APBA2: variants seen among roughly 807,000 people sequenced by gnomAD.
The protein encoded by APBA2 is amyloid-beta A4 precursor protein-binding family A member 2.
APBA2 carries 30 observed loss-of-function variants against 75.0 expected under a neutral mutation model. The ratio of observed to expected loss-of-function variants is 0.40; its 90% CI spans 0.30 to 0.54. The LOEUF is 0.54. APBA2 is among the 20% of genes least tolerant of loss of function. The pLI, the probability that APBA2 is intolerant of heterozygous loss-of-function variation, is 0.49. For synonymous variants in APBA2, 444 were observed against 409.6 expected (o/e 1.08, Z -1.01); for missense variants, 801 against 1,016.1 (o/e 0.79, Z 2.88).
chr15:28,929,487 C>T lies in APBA2; in HGVS notation c.-95+7738C>T, dbSNP rs73366724. ...TCAGATCCAAGGGTGTAGCACTTCC[C>T]GCCTATCACTGGGAGCTGATGGGCT... is the stretch of plus-strand genomic sequence containing the variant. On this transcript the variant is annotated intron_variant, in intron 2 of 14. Coordinates refer to ENST00000683413, the MANE Select transcript of APBA2 (RefSeq NM_001353788.2). Among the ~76,000 whole-genome samples the T allele has an allele frequency of 4.4e-3, 675 of 152,272 alleles. 6 individuals are homozygous for T. Among genetic ancestry groups the T allele is most frequent in the African/African-American group, 0.016 (648 of 41,580 alleles).
chr15:29,040,144 C>T (rs1357692703), intron 3 of APBA2, among the ~76,000 whole-genome samples: 1 of 152,210 alleles, frequency 6.6e-6, no homozygotes, highest in Non-Finnish European at 1.5e-5. Context: ...CTGCCAGACC[C>T]AGAGCAGTAG....
chr15:29,092,409 C>T (rs1232448772), intron 6 of APBA2, among the ~76,000 whole-genome samples: 1 of 152,146 alleles, frequency 6.6e-6, no homozygotes, highest in Middle Eastern at 3.2e-3. Flanking sequence ...TGGGTCCAGT[C>T]CCTCAGCTGC....
rs554177186 is a variant in APBA2, at chr15:29,046,895, C to T, written c.-40-6950C>T. ...AGCCACCTGTGTCAGCAGAGTTCCC[C>T]GTTCCCATCTAAGACATTCACCTCA... On this transcript the variant is annotated intron_variant, in intron 3 of 14. Coordinates refer to ENST00000683413, the MANE Select transcript of APBA2 (RefSeq NM_001353788.2). The surrounding 1 kb of genome is among the most constrained non-coding windows in gnomAD (Gnocchi z 5.0). Among the ~76,000 whole-genome samples, 79 of 152,364 alleles carry T rather than the reference C, an allele frequency of 5.2e-4. No homozygotes were observed. Among genetic ancestry groups the T allele is most frequent in the Middle Eastern group, 3.4e-3 (1 of 294 alleles).
intron 3 of APBA2, among the ~76,000 whole-genome samples, chr15:29,043,237 AATG>A (rs1271362104): frequency 6.6e-6 from 1 of 152,176 alleles, no homozygotes; most frequent in Non-Finnish European, 1.5e-5. Context: ...CAGCAATTTT[AATG>A]ATGTTTAAAG....
At chr15:29,073,710 G>A (rs975831598) in intron 4 of APBA2, among the ~76,000 whole-genome samples, 1 of 152,136 alleles carries the variant, frequency 6.6e-6, no homozygotes, top group African/African-American at 2.4e-5. Context: ...GTTATTTCTC[G>A]ATAATTTATT....
intron 1 of APBA2, among the ~76,000 whole-genome samples, chr15:28,902,440 G>C (rs2032918560): frequency 6.6e-6 from 1 of 152,156 alleles, no homozygotes; most frequent in African/African-American, 2.4e-5. Flanking sequence ...CAGCCAAGAG[G>C]AGGGCCCTCT....
At chr15:28,957,928 C>G (rs1264925772) in intron 2 of APBA2, among the ~76,000 whole-genome samples, 2 of 152,192 alleles carry the variant, frequency 1.3e-5, no homozygotes, top group Non-Finnish European at 2.9e-5. Context: ...CCAAGCCCAC[C>G]ACATTTGGCC....
intron 3 of APBA2, among the ~76,000 whole-genome samples, chr15:29,027,626 G>GAAA (rs2040286383): frequency 1.3e-5 from 2 of 149,628 alleles, no homozygotes; most frequent in South Asian, 4.2e-4. Flanking sequence ...TCTTTTTGAG[G>GAAA]CAGTCTTGCT....
At chr15:28,938,175 C>T (rs1050095166) in intron 2 of APBA2, among the ~76,000 whole-genome samples, 3 of 152,174 alleles carry the variant, frequency 2.0e-5, no homozygotes, top group African/African-American at 7.2e-5. Flanking sequence ...TCTCAGACCA[C>T]GGTGCCCTGG....
intron 2 of APBA2, among the ~76,000 whole-genome samples, chr15:28,956,239 C>G (rs941287172): frequency 6.6e-6 from 1 of 152,110 alleles, no homozygotes; most frequent in Admixed American, 6.5e-5. Context: ...CTAGGGCAGG[C>G]AGGGGCTGGC....
At chr15:29,023,519 G>A (rs1158003663) in intron 3 of APBA2, among the ~76,000 whole-genome samples, 1 of 130,180 alleles carries the variant, frequency 7.7e-6, no homozygotes, top group Non-Finnish European at 1.5e-5. Context: ...GTAGTGGCGC[G>A]ATCTTGGCTC....
intron 3 of APBA2, among the ~76,000 whole-genome samples, chr15:29,042,400 G>A (rs2041092976): frequency 6.6e-6 from 1 of 152,096 alleles, no homozygotes; most frequent in African/African-American, 2.4e-5. Context: ...AGCCTCCTGA[G>A]TAGCTGGGAC....
chr15:28,930,779 TC>T (rs2152687572), intron 2 of APBA2, among the ~76,000 whole-genome samples: 1 of 152,254 alleles, frequency 6.6e-6, no homozygotes, highest in African/African-American at 2.4e-5. Flanking sequence ...TTGCAGCTCT[TC>T]CCTGCGACCT....
intron 2 of APBA2, among the ~76,000 whole-genome samples, chr15:28,929,112 G>A (rs2034430794): frequency 6.6e-6 from 1 of 152,062 alleles, no homozygotes; most frequent in Admixed American, 6.6e-5. Flanking sequence ...GTGTTGGAGC[G>A]GAAACTCCAA....
Position 29,053,932 on chromosome 15 carries a change from T to C in APBA2, c.48T>C (p.His16=), listed in dbSNP as rs750653807. The C allele has an allele frequency of 3.1e-6, 5 of 1,613,726 alleles. No homozygotes were observed. The highest frequency in any genetic ancestry group is 4.2e-6 in the Non-Finnish European group (5 of 1,179,894). Residue 16 remains histidine (H), a synonymous_variant, in exon 4 of 15, where the codon CAT becomes CAC. Transcript: ENST00000683413. Reference sequence around the variant, plus strand: ...GCGTGGGGAGCGGCATGTTGGACCATAGGGTGAGACCAGGTCCTGTCCCTC... The same window carrying C: ...GCGTGGGGAGCGGCATGTTGGACCACAGGGTGAGACCAGGTCCTGTCCCTC... ...LESVGSGMLD[H]RVRPGPVPHS...
rs562387274 is a variant in APBA2, at chr15:29,116,933, C to T, written c.2179-129C>T. 4.8e-5 allele frequency: 49 copies of T among 1,028,110 alleles called. 1 individual carries two copies. The highest frequency in any genetic ancestry group is 1.1e-4 in the South Asian group (9 of 78,682). The allele number at this position is 1,028,110 out of a possible 1,614,324, so 63.7% of individuals were successfully genotyped here. A position where few individuals can be genotyped will look rare whatever the true frequency, so the allele number is the denominator to read the frequency against. On this transcript the variant is annotated intron_variant, in intron 14 of 14. Coordinates refer to ENST00000683413, the MANE Select transcript of APBA2 (RefSeq NM_001353788.2). ...CCCCAGGCCTGGGCAGGCTGGCCTTCCTCCTTCACTCTAGGAGATGGGCAT... is the reference window on the plus strand; with the variant it reads ...CCCCAGGCCTGGGCAGGCTGGCCTTTCTCCTTCACTCTAGGAGATGGGCAT...
intron 2 of APBA2, among the ~76,000 whole-genome samples, chr15:28,942,970 T>C (rs1330939815): frequency 6.6e-6 from 1 of 152,238 alleles, no homozygotes; most frequent in African/African-American, 2.4e-5. Context: ...CCAGACTGTC[T>C]GGGAGATGTT....
At chr15:29,038,971 G>T (rs370117853) in intron 3 of APBA2, among the ~76,000 whole-genome samples, 1 of 151,908 alleles carries the variant, frequency 6.6e-6, no homozygotes, top group Non-Finnish European at 1.5e-5. Context: ...TACGCCTGGC[G>T]CATGCATTTT....
Position 29,108,420 on chromosome 15 carries a change from C to T in APBA2, c.2037+31C>T, listed in dbSNP as rs368024603. The T allele has an allele frequency of 1.4e-5, 23 of 1,613,774 alleles. No individual in the cohort carries two copies. The African/African-American group carries it at 1.7e-4, about 12-fold the overall frequency. ...TTCCCCCTCCTGCTCTGGGCCACCA[C>T]CACCACTGCAGGGCCCAGGGAGGGG... On this transcript the variant is annotated intron_variant, in intron 13 of 14. Transcript: ENST00000683413.
Sources: allele counts gnomAD v4.1 joint callset (sites outside exome capture counted in the v4.1 genomes callset), GRCh38; gene constraint gnomAD v4.1.1; non-coding constraint Gnocchi (gnomAD v3.1); transcripts MANE v1.5; gene names NCBI Gene and HGNC (gene_info 2026-07-23, HGNC 2026-07-21).